Variants in C1QBP observed in about 807,000 individuals in gnomAD.
C1QBP encodes the protein complement component 1 Q subcomponent-binding protein, mitochondrial.
In C1QBP, 24 loss-of-function variants were observed where a neutral mutation model predicts 29.4. The ratio of observed to expected loss-of-function variants is 0.82; its 90% CI spans 0.59 to 1.15. The LOEUF is 1.15. Among genes scored for constraint, C1QBP ranks in the 50% most tolerant of loss-of-function variants. The pLI is 0.00. For synonymous variants in C1QBP, 182 were observed against 149.2 expected, an observed-to-expected ratio of 1.22 and a Z score of -1.60; for missense variants, 337 against 355.8, an observed-to-expected ratio of 0.95 and a Z score of 0.43.
intron 2 of C1QBP, among the ~76,000 whole-genome samples, chr17:5,437,566 G>A (rs41315142): frequency 3.3e-5 from 5 of 152,290 alleles, no homozygotes; most frequent in South Asian, 2.1e-4. Context: ...TGATCTGCCC[G>A]TCCCAAAGTG....
Position 5,438,914 on chromosome 17 carries a change from G to C in C1QBP, c.160C>G (p.Arg54Gly). 6.5e-7 allele frequency: 1 copy of C among 1,538,396 alleles called. No individual in the cohort carries two copies. Among genetic ancestry groups the C allele is most frequent in the Non-Finnish European group, 8.8e-7 (1 of 1,142,244 alleles). The part of the protein sequence containing the change: ...GLLSVRAGSE[R>G]RPGLLRPRGP... ...CGAGGCCGCAGGAGGCCCGGCCGCCGCTCGGAACCTGCGCGCACGCTGAGC... is the reference window on the plus strand; with the variant it reads ...CGAGGCCGCAGGAGGCCCGGCCGCCCCTCGGAACCTGCGCGCACGCTGAGC... The change falls in exon 1 of 6, where the codon CGG becomes GGG. Residue 54 changes from arginine to glycine, a missense_variant. Coordinates refer to ENST00000225698, the MANE Select transcript of C1QBP (RefSeq NM_001212.4).
At chr17:5,436,773 A>C (rs1465410802) in intron 2 of C1QBP, among the ~76,000 whole-genome samples, 4 of 152,174 alleles carry the variant, frequency 2.6e-5, no homozygotes, top group Non-Finnish European at 5.9e-5. Context: ...AAATCCCAGC[A>C]CTTTGGGAGG....
chr17:5,439,112 A>C lies in C1QBP; in HGVS notation c.-39T>G, dbSNP rs760029180. The C allele has an allele frequency of 8.5e-6, 13 of 1,537,714 alleles. No individual in the cohort carries two copies. The South Asian group carries it at 1.6e-4, about 18-fold the overall frequency. ...GCGAACACGTGCAGATGCAAAGGAC[A>C]ACCCAGGCCTAGGCGCCCCGCGACC... On this transcript the variant is annotated 5_prime_UTR_variant, in exon 1 of 6. Transcript: ENST00000225698.
In C1QBP at chr17:5,438,860, C is replaced by T. The variant is rs891509058; in HGVS notation, c.214G>A (p.Gly72Ser). The change falls in exon 1 of 6, where the codon GGC (glycine) becomes AGC (serine). Residue 72 changes from glycine (G) to serine (S), a missense_variant. Gly to Ser is a moderately conservative substitution (Grantham distance 56, BLOSUM62 0). Transcript: ENST00000225698. ...RGPCACGCGC[G>S]SLHTDGDKAF... is the part of the protein sequence containing the mutation. ...ACCTCACCGTCGGTGTGCAGCGAGC[C>T]GCAGCCACAGCCACAGGCGCAGGGT... The T allele has an allele frequency of 5.2e-6, 8 of 1,545,980 alleles. No individual in the cohort carries two copies. The African/African-American group carries it at 9.6e-5, about 19-fold the overall frequency.
rs553981930 is a variant in C1QBP, at chr17:5,438,729, G to A, written c.232+113C>T. 91 of 1,539,616 alleles carry A rather than the reference G, an allele frequency of 5.9e-5. 2 individuals are homozygous for A. The South Asian group carries it at 1.1e-3, about 18-fold the overall frequency. ...CATACGTGGGTTTAGCCCGCTGGTTGCCAATCAATGGAAAAATGTCCCAGA... is the reference window on the plus strand; with the variant it reads ...CATACGTGGGTTTAGCCCGCTGGTTACCAATCAATGGAAAAATGTCCCAGA... On this transcript the variant is annotated intron_variant, in intron 1 of 5. Transcript: ENST00000225698.
Position 5,438,880 on chromosome 17 carries a change from C to T in C1QBP, c.194G>A (p.Cys65Tyr). ...RPGLLRPRGP[C>Y]ACGCGCGSLH... ...CGAGCCGCAGCCACAGCCACAGGCG[C>T]AGGGTCCGCGAGGCCGCAGGAGGCC... is the stretch of plus-strand genomic sequence containing the variant. The change falls in exon 1 of 6, where the codon TGC becomes TAC. Residue 65 changes from cysteine (C) to tyrosine (Y), a missense_variant. Cys to Tyr is a radical substitution (Grantham distance 194). Transcript: ENST00000225698. 5.8e-6 allele frequency: 9 copies of T among 1,544,486 alleles called. No homozygotes were observed. The highest frequency in any genetic ancestry group is 7.9e-6 in the Non-Finnish European group (9 of 1,145,126).
At chr17:5,437,356 A>G (rs1916301300) in intron 2 of C1QBP, among the ~76,000 whole-genome samples, 1 of 152,370 alleles carries the variant, frequency 6.6e-6, no homozygotes, top group Non-Finnish European at 1.5e-5. Flanking sequence ...TTTATTATTG[A>G]GATGGCGTCT....
In C1QBP at chr17:5,438,890, G is replaced by C. The variant is rs1460798440; in HGVS notation, c.184C>G (p.Arg62Gly). ...CCACAGCCACAGGCGCAGGGTCCGCGAGGCCGCAGGAGGCCCGGCCGCCGC... is the reference window on the plus strand; with the variant it reads ...CCACAGCCACAGGCGCAGGGTCCGCCAGGCCGCAGGAGGCCCGGCCGCCGC... ...SERRPGLLRP[R>G]GPCACGCGCG... The change falls in exon 1 of 6, where the codon CGC (arginine) becomes GGC (glycine). Residue 62 changes from arginine to glycine, a missense_variant. Coordinates refer to ENST00000225698, the MANE Select transcript of C1QBP (RefSeq NM_001212.4). The C allele has an allele frequency of 1.9e-6, 3 of 1,540,858 alleles. No homozygotes were observed. The highest frequency in any genetic ancestry group is 2.6e-6 in the Non-Finnish European group (3 of 1,143,416).
At chr17:5,437,532 A>G (rs1229515730) in intron 2 of C1QBP, among the ~76,000 whole-genome samples, 1 of 152,182 alleles carries the variant, frequency 6.6e-6, no homozygotes, top group African/African-American at 2.4e-5. Context: ...TTTTAGTGTT[A>G]GCCAGGATTT....
chr17:5,433,814 A>G, intron 3 of C1QBP, 47 bp from the exon 4 acceptor site: 3 of 1,525,518 alleles, frequency 2.0e-6, no homozygotes, highest in Non-Finnish European at 2.7e-6. Flanking sequence ...AAGGAGATGG[A>G]TGGCTGGATC....
At chr17:5,434,766 TAG>T (rs1369410560) in intron 3 of C1QBP, 105 bp downstream of exon 3, 20 of 1,008,244 alleles carry the variant, frequency 2.0e-5, no homozygotes, top group Non-Finnish European at 2.8e-5. Context: ...CGACTGGACT[TAG>T]AGGAATTTTT....
intron 1 of C1QBP, 67 bp from the exon 2 acceptor site, chr17:5,438,340 G>A (rs926417248): frequency 6.5e-7 from 1 of 1,549,150 alleles, no homozygotes; most frequent in East Asian, 2.3e-5. Context: ...CTATTACCCA[G>A]GTTATTGCAG....
chr17:5,434,462 CTCTTTTT>C (rs1000204882), intron 3 of C1QBP, among the ~76,000 whole-genome samples: 2 of 108,114 alleles, frequency 1.8e-5, no homozygotes, highest in Admixed American at 9.6e-5. Flanking sequence ...CATTCTCTCT[CTCTTTTT>C]TTTTTTTTTT....
At chr17:5,433,806 G>A (rs201415163) in intron 3 of C1QBP, 39 bp from the exon 4 acceptor site, 7 of 1,546,256 alleles carry the variant, frequency 4.5e-6, no homozygotes, top group African/African-American at 2.7e-5. Flanking sequence ...GCTGCTGGAA[G>A]GAGATGGATG....
chr17:5,432,816 C>T lies in C1QBP; in HGVS notation c.*199G>A. 1 of 867,246 alleles carries T rather than the reference C, an allele frequency of 1.2e-6. No individual in the cohort carries two copies. The highest frequency in any genetic ancestry group is 1.7e-6 in the Non-Finnish European group (1 of 600,776). 53.7% of individuals were successfully genotyped at this position (867,246 alleles called of 1,614,324 possible). On this transcript the variant is annotated 3_prime_UTR_variant, in exon 6 of 6. Transcript: ENST00000225698. ...CCAATTTTATGTCTATCATGTTATA[C>T]AAAAATCTAGAAATAATAGATTTGT... is the stretch of plus-strand genomic sequence containing the variant.
chr17:5,435,730 C>T (rs780846549), intron 2 of C1QBP, among the ~76,000 whole-genome samples: 1 of 151,916 alleles, frequency 6.6e-6, no homozygotes, highest in Non-Finnish European at 1.5e-5. Flanking sequence ...GGCACCATTC[C>T]ACACAAGAGT....
Position 5,437,675 on chromosome 17 carries a change from T to C in C1QBP, c.383+448A>G, listed in dbSNP as rs1916310889. Among the ~76,000 whole-genome samples, 5 of 152,350 alleles carry C rather than the reference T, an allele frequency of 3.3e-5. No individual in the cohort carries two copies. In the South Asian group the frequency reaches 1.0e-3, roughly 32 times the overall value. On this transcript the variant is annotated intron_variant, in intron 2 of 5. Transcript: ENST00000225698. ...GTAATGAGATTATGGATGACTATAA[T>C]GCAGAAAAGTGTAAACACTTTAACA... is the stretch of plus-strand genomic sequence containing the variant.
chr17:5,435,768 G>C (rs957150817), intron 2 of C1QBP, among the ~76,000 whole-genome samples: 1 of 151,060 alleles, frequency 6.6e-6, no homozygotes. Flanking sequence ...AGTGGCTCAC[G>C]CCTGTAATCC....
At chr17:5,434,560 C>T (rs770473870) in intron 3 of C1QBP, 10 of 187,096 alleles carry the variant, frequency 5.3e-5, no homozygotes, top group Admixed American at 4.9e-4. Flanking sequence ...CTCTGCCTCC[C>T]GGGTTCAAGC....
Sources: gnomAD v4.1 joint callset for allele counts (sites outside exome capture counted in the v4.1 genomes callset) on GRCh38, gnomAD v4.1.1 for gene constraint, MANE v1.5 for transcripts, NCBI Gene and HGNC (gene_info 2026-07-23, HGNC 2026-07-21) for gene names.